The following RBFOX1 variants were observed in gnomAD, a reference collection of about 807,000 sequenced individuals.
The protein encoded by RBFOX1 is RNA binding fox-1 homolog 1.
In RBFOX1, 8 loss-of-function variants were observed where a neutral mutation model predicts 57.7. The ratio of observed to expected loss-of-function variants is 0.14; its 90% CI spans 0.08 to 0.25. The LOEUF (loss-of-function observed/expected upper bound fraction) is 0.25. Among genes scored for constraint, RBFOX1 ranks in the 10% least tolerant of loss-of-function variants. The probability of loss-of-function intolerance (pLI) is 1.00; values close to 1 mark genes in which losing one functional copy is unlikely to be tolerated. For missense variants in RBFOX1, 611 were observed against 548.5 expected, an observed-to-expected ratio of 1.11 and a Z score of -1.14; for synonymous variants, 326 against 222.4, an observed-to-expected ratio of 1.47 and a Z score of -4.15.
At chr16:6,599,905 G>T (rs1400565417) in intron 2 of RBFOX1, among the ~76,000 whole-genome samples, 4 of 152,170 alleles carry the variant, frequency 2.6e-5, no homozygotes, top group Non-Finnish European at 5.9e-5. Flanking sequence ...TAAATATTCT[G>T]TCAGTGGTAC....
intron 1 of RBFOX1, among the ~76,000 whole-genome samples, chr16:5,269,504 G>A (rs1234665836): frequency 6.6e-6 from 1 of 152,258 alleles, no homozygotes; most frequent in Non-Finnish European, 1.5e-5. Flanking sequence ...TACACTGAAT[G>A]TTGTCTACCC....
At chr16:7,101,972 C>T (rs2062775976) in intron 4 of RBFOX1, among the ~76,000 whole-genome samples, 1 of 152,182 alleles carries the variant, frequency 6.6e-6, no homozygotes, top group South Asian at 2.1e-4. Context: ...AAGCCTAGTG[C>T]TGTATCCATC....
At position 6,874,926 on chromosome 16, in the gene RBFOX1, A is replaced by C. The variant is rs118092721; in HGVS notation, c.-15-177131A>C. On this transcript the variant is annotated intron_variant, in intron 3 of 15. Coordinates refer to ENST00000550418, the MANE Select transcript of RBFOX1 (RefSeq NM_018723.4). ...CTATTGAAATAATAATAAAAGAAAA[A>C]CATTGTTGAAAAGATAAAATTAGAA... is the stretch of plus-strand genomic sequence containing the variant. 7.2e-3 allele frequency among the ~76,000 whole-genome samples: 1,091 copies of C among 152,230 alleles called. 14 individuals carry two copies. The highest frequency in any genetic ancestry group is 9.0e-3 in the Non-Finnish European group (614 of 68,004).
At chr16:7,193,762 A>G (rs1295122524) in intron 4 of RBFOX1, among the ~76,000 whole-genome samples, 1 of 152,238 alleles carries the variant, frequency 6.6e-6, no homozygotes, top group Non-Finnish European at 1.5e-5. Flanking sequence ...TAGACAGCTC[A>G]GAATATTAGT....
intron 3 of RBFOX1, among the ~76,000 whole-genome samples, chr16:5,857,770 AAAAC>A (rs1400596272): frequency 1.3e-5 from 2 of 151,868 alleles, no homozygotes; most frequent in Non-Finnish European, 2.9e-5. Context: ...AAGGAAAAAA[AAAAC>A]AAAGAAAAGA....
chr16:6,815,001 C>G (rs1286058573), intron 3 of RBFOX1, among the ~76,000 whole-genome samples: 1 of 152,106 alleles, frequency 6.6e-6, no homozygotes, highest in Non-Finnish European at 1.5e-5. Context: ...AGCTGCTCAT[C>G]CTTATCATTA....
intron 2 of RBFOX1, among the ~76,000 whole-genome samples, chr16:5,557,572 C>G (rs1464279010): frequency 6.6e-6 from 1 of 152,168 alleles, no homozygotes; most frequent in Non-Finnish European, 1.5e-5. Flanking sequence ...TAGTTGAAAA[C>G]CAAAGCATGA....
intron 1 of RBFOX1, among the ~76,000 whole-genome samples, chr16:5,311,532 T>C (rs1312525749): frequency 6.6e-6 from 1 of 152,208 alleles, no homozygotes; most frequent in African/African-American, 2.4e-5. Context: ...GTATAAGCGT[T>C]CTGTTTTCAC....
intron 3 of RBFOX1, among the ~76,000 whole-genome samples, chr16:5,850,386 C>T (rs764243895): frequency 6.6e-6 from 1 of 152,070 alleles, no homozygotes; most frequent in Non-Finnish European, 1.5e-5. Context: ...GTCCTTCGAA[C>T]CAGTAACTCC....
chr16:6,272,958 C>T (rs985266072), intron 1 of RBFOX1, among the ~76,000 whole-genome samples: 1 of 152,034 alleles, frequency 6.6e-6, no homozygotes, highest in Non-Finnish European at 1.5e-5. Flanking sequence ...AACTATAAAA[C>T]ATTTAGTAAA....
chr16:7,016,917 C>G (rs926569711), intron 3 of RBFOX1, among the ~76,000 whole-genome samples: 1 of 152,150 alleles, frequency 6.6e-6, no homozygotes. Context: ...TGAAATCCCT[C>G]ACTGGCATTT....
chr16:5,850,867 C>A (rs892312227), intron 3 of RBFOX1, among the ~76,000 whole-genome samples: 9 of 152,162 alleles, frequency 5.9e-5, no homozygotes, highest in Admixed American at 2.6e-4. Context: ...GGCAGCTCAG[C>A]GTGGGAGAAG....
rs1567216160 is a variant in RBFOX1, at chr16:6,780,343, T to TA, written c.-16+125693_-16+125694insA. Among the ~76,000 whole-genome samples, 141 of 80,088 alleles carry TA rather than the reference T, an allele frequency of 1.8e-3. 11 individuals carry two copies. Among genetic ancestry groups the TA allele is most frequent in the East Asian group, 8.4e-3 (7 of 836 alleles). The allele number at this position is 80,088 out of a possible 152,430, so 52.5% of individuals were successfully genotyped here. A position where few individuals can be genotyped will look rare whatever the true frequency, so the allele number is the denominator to read the frequency against. On this transcript the variant is annotated intron_variant, in intron 3 of 15. Transcript: ENST00000550418. ...CATATTTATATATATTTATACATAT[T>TA]TATATACATATTTATATACATATTT...
intron 2 of RBFOX1, among the ~76,000 whole-genome samples, chr16:6,538,760 G>T (rs1213673728): frequency 1.3e-5 from 2 of 152,074 alleles, no homozygotes; most frequent in African/African-American, 4.8e-5. Flanking sequence ...GCTGTTGGTT[G>T]TTTTTTTTCA....
At chr16:6,003,684 C>T (rs555933062) in intron 4 of RBFOX1, among the ~76,000 whole-genome samples, 16 of 152,354 alleles carry the variant, frequency 1.1e-4, no homozygotes, top group African/African-American at 3.8e-4. Context: ...TCTGCTATTC[C>T]CTAGGCCTGG....
intron 4 of RBFOX1, among the ~76,000 whole-genome samples, chr16:7,101,046 T>C (rs1355249738): frequency 6.6e-6 from 1 of 152,216 alleles, no homozygotes; most frequent in Non-Finnish European, 1.5e-5. Context: ...AAGTTACCTA[T>C]ATACACTAAA....
At chr16:6,908,356 C>G (rs764690865) in intron 3 of RBFOX1, among the ~76,000 whole-genome samples, 1 of 146,622 alleles carries the variant, frequency 6.8e-6, no homozygotes, top group Non-Finnish European at 1.6e-5. Context: ...TGCCTTTGCA[C>G]CCTTCTAACC....
At chr16:7,077,946 C>A (rs746092658) in intron 4 of RBFOX1, among the ~76,000 whole-genome samples, 3 of 152,148 alleles carry the variant, frequency 2.0e-5, no homozygotes, top group Non-Finnish European at 4.4e-5. Flanking sequence ...TTAGGCCAAA[C>A]AGAGAGAAAG....
intron 14 of RBFOX1, among the ~76,000 whole-genome samples, chr16:7,698,986 GT>G (rs1568535653): frequency 6.6e-6 from 1 of 152,158 alleles, no homozygotes; most frequent in East Asian, 1.9e-4. Context: ...TGGAATGGTG[GT>G]TATCAAATTC....
Sources: allele counts gnomAD v4.1 joint callset (sites outside exome capture counted in the v4.1 genomes callset), GRCh38; gene constraint gnomAD v4.1.1; transcripts MANE v1.5; gene names NCBI Gene and HGNC (gene_info 2026-07-23, HGNC 2026-07-21).